The following CLDN10 variants were observed in gnomAD, a reference collection of about 807,000 sequenced individuals.
CLDN10 encodes the protein claudin 10, also known as claudin-10.
CLDN10 carries 15 observed loss-of-function variants against 22.9 expected under a neutral mutation model. The ratio of observed to expected loss-of-function variants is 0.65; its 90% CI spans 0.44 to 1.01. The LOEUF (loss-of-function observed/expected upper bound fraction) is 1.01. Ranked by LOEUF, CLDN10 falls within the 50% of genes least tolerant of loss-of-function variation. The pLI is 0.00. For synonymous variants in CLDN10, 114 were observed against 111.4 expected, an observed-to-expected ratio of 1.02 and a Z score of -0.15; for missense variants, 247 against 287.8, an observed-to-expected ratio of 0.86 and a Z score of 1.03.
intron 1 of CLDN10, among the ~76,000 whole-genome samples, chr13:95,481,928 A>G (rs370345849): frequency 5.9e-5 from 9 of 152,286 alleles, no homozygotes; most frequent in African/African-American, 2.2e-4. Flanking sequence ...CTGAGGCAGG[A>G]GGATCACTTG....
intron 1 of CLDN10, among the ~76,000 whole-genome samples, chr13:95,488,902 T>C (rs1238756101): frequency 6.6e-6 from 1 of 151,826 alleles, no homozygotes; most frequent in Non-Finnish European, 1.5e-5. Context: ...TCTGGGTAGA[T>C]ACCCAGTAGT....
At chr13:95,517,576 C>T (rs1265019158) in intron 1 of CLDN10, among the ~76,000 whole-genome samples, 1 of 152,194 alleles carries the variant, frequency 6.6e-6, no homozygotes. Flanking sequence ...CTTGACATCA[C>T]ACTTTAAAAC....
intron 3 of CLDN10, among the ~76,000 whole-genome samples, chr13:95,568,944 C>T (rs781340571): frequency 3.3e-5 from 5 of 151,966 alleles, no homozygotes; most frequent in African/African-American, 9.7e-5. Flanking sequence ...AGCTGTGTAA[C>T]TTTGAAGAAG....
intron 1 of CLDN10, among the ~76,000 whole-genome samples, chr13:95,470,034 C>T (rs1380547689): frequency 6.6e-6 from 1 of 152,124 alleles, no homozygotes; most frequent in African/African-American, 2.4e-5. Flanking sequence ...GTTCATGTAT[C>T]TCATTCAATA....
At chr13:95,573,710 T>C (rs2043889673) in intron 3 of CLDN10, among the ~76,000 whole-genome samples, 1 of 78,954 alleles carries the variant, frequency 1.3e-5, no homozygotes, top group Admixed American at 1.5e-4. Context: ...TTTATTTTTA[T>C]TTTTATTTGT....
rs570347171 is a variant in CLDN10, at chr13:95,482,380, C to T, written c.214+48333C>T. 1.1e-4 allele frequency among the ~76,000 whole-genome samples: 17 copies of T among 152,266 alleles called. No individual in the cohort carries two copies. In the East Asian group the frequency reaches 3.1e-3, roughly 28 times the overall value. ...AATATATATGGCCCAAGTCAGGCGC[C>T]GTGCACAGCTGGGTCTAAGAGCTGT... is the stretch of plus-strand genomic sequence containing the variant. On this transcript the variant is annotated intron_variant, in intron 1 of 4. Coordinates refer to the CLDN10 transcript ENST00000376873.
intron 3 of CLDN10, among the ~76,000 whole-genome samples, chr13:95,562,457 C>T (rs1056904923): frequency 1.3e-5 from 2 of 152,122 alleles, no homozygotes. Context: ...GGGTTTTAGA[C>T]CTCAATATAA....
exon 1 of CLDN10, chr13:95,434,018 G>T: frequency 6.2e-7 from 1 of 1,614,114 alleles, no homozygotes; most frequent in South Asian, 1.1e-5. Context: ...TTCCATTGCC[G>T]ACCGCATTTT....
At chr13:95,436,787 C>CT (rs2139059451) in intron 1 of CLDN10, among the ~76,000 whole-genome samples, 1 of 152,216 alleles carries the variant, frequency 6.6e-6, no homozygotes, top group East Asian at 1.9e-4. Flanking sequence ...TTGCTGGTTG[C>CT]TTTTCTTTTA....
intron 1 of CLDN10, among the ~76,000 whole-genome samples, chr13:95,500,928 A>G (rs535361970): frequency 1.3e-5 from 2 of 152,322 alleles, no homozygotes; most frequent in East Asian, 3.9e-4. Context: ...AAAGGAGTGG[A>G]AGAAGCAGAG....
chr13:95,433,890 C>T (rs374417711), exon 1 of CLDN10: 120 of 1,614,072 alleles, frequency 7.4e-5, no homozygotes, highest in Non-Finnish European at 8.5e-5. Flanking sequence ...TTGGAGCTCT[C>T]GTTGCTGCTA....
chr13:95,561,322 G>T (rs984627208), intron 3 of CLDN10, among the ~76,000 whole-genome samples: 1 of 152,060 alleles, frequency 6.6e-6, no homozygotes, highest in African/African-American at 2.4e-5. Flanking sequence ...GGTCAGCTGG[G>T]CTTTACTTTT....
intron 1 of CLDN10, among the ~76,000 whole-genome samples, chr13:95,545,945 G>T (rs543150027): frequency 2.0e-5 from 3 of 152,126 alleles, no homozygotes; most frequent in Non-Finnish European, 4.4e-5. Flanking sequence ...CTCTAATGAA[G>T]TCTTCTTACT....
At chr13:95,444,959 A>C (rs959553855) in intron 1 of CLDN10, among the ~76,000 whole-genome samples, 8 of 152,140 alleles carry the variant, frequency 5.3e-5, no homozygotes, top group Non-Finnish European at 4.4e-5. Flanking sequence ...TATTTTTAGT[A>C]GAGACAGCGT....
intron 1 of CLDN10, among the ~76,000 whole-genome samples, chr13:95,439,490 C>T (rs1161695181): frequency 6.6e-6 from 1 of 151,988 alleles, no homozygotes; most frequent in Non-Finnish European, 1.5e-5. Flanking sequence ...CCCACCAGCA[C>T]ACCCAGCTAA....
intron 1 of CLDN10, among the ~76,000 whole-genome samples, chr13:95,469,081 C>T (rs1196892418): frequency 2.0e-5 from 3 of 151,036 alleles, no homozygotes; most frequent in African/African-American, 7.3e-5. Context: ...TGGAAAACCA[C>T]TTCAGATTTC....
chr13:95,517,933 C>CAAAAAAAAA (rs35780641), intron 1 of CLDN10, among the ~76,000 whole-genome samples: 1 of 94,092 alleles, frequency 1.1e-5, no homozygotes, highest in Non-Finnish European at 2.1e-5. Flanking sequence ...AACTCCACCT[C>CAAAAAAAAA]AAAAAAAAAA....
chr13:95,518,135 T>C (rs2043189395), intron 1 of CLDN10, among the ~76,000 whole-genome samples: 1 of 152,164 alleles, frequency 6.6e-6, no homozygotes, highest in Admixed American at 6.6e-5. Flanking sequence ...TGAAAAATGG[T>C]GATAATTACA....
At chr13:95,487,927 C>T (rs2042822051) in intron 1 of CLDN10, among the ~76,000 whole-genome samples, 1 of 151,900 alleles carries the variant, frequency 6.6e-6, no homozygotes, top group African/African-American at 2.4e-5. Context: ...ATCCTCCTGT[C>T]TCAGCCTCCC....
Sources: gnomAD v4.1 joint callset for allele counts (sites outside exome capture counted in the v4.1 genomes callset) on GRCh38, gnomAD v4.1.1 for gene constraint, MANE v1.5 for transcripts, NCBI Gene and HGNC (gene_info 2026-07-23, HGNC 2026-07-21) for gene names.